The following YME1L1 variants were observed in gnomAD, a reference collection of about 807,000 sequenced individuals.
YME1L1 encodes ATP-dependent zinc metalloprotease YME1L1.
In YME1L1, 39 loss-of-function variants were observed where a neutral mutation model predicts 90.4. The observed-to-expected ratio is 0.43, with a 90% confidence interval of 0.33 to 0.56. The LOEUF is 0.56. Ranked by LOEUF, YME1L1 falls within the 20% of genes least tolerant of loss-of-function variation. The pLI is 0.03. For missense variants in YME1L1, 617 were observed against 868.4 expected, an observed-to-expected ratio of 0.71 and a Z score of 3.64; for synonymous variants, 284 against 287.3, an observed-to-expected ratio of 0.99 and a Z score of 0.12.
At chr10:27,136,434 A>C in intron 4 of YME1L1, 49 bp from the exon 5 acceptor site, 1 of 1,476,006 alleles carries the variant, frequency 6.8e-7, no homozygotes, top group Non-Finnish European at 9.4e-7. Flanking sequence ...TTACAGGAAA[A>C]GAAAAATGCC....
At chr10:27,133,785 T>A (rs1031116112) in intron 7 of YME1L1, among the ~76,000 whole-genome samples, 15 of 152,188 alleles carry the variant, frequency 9.9e-5, no homozygotes, top group African/African-American at 3.4e-4. Context: ...ATTATAAAAT[T>A]CTTCTACATA....
chr10:27,126,595 A>ACTTT (rs2056921807), intron 9 of YME1L1, 101 bp downstream of exon 9: 1 of 618,534 alleles, frequency 1.6e-6, no homozygotes, highest in African/African-American at 1.9e-5. Context: ...TAAGACTTAA[A>ACTTT]CTTTAATCAG....
At position 27,145,767 on chromosome 10, in the gene YME1L1, A is replaced by G. The variant is rs1373910205; in HGVS notation, c.169-177T>C. The G allele has an allele frequency of 6.0e-6, 3 of 500,182 alleles. No homozygotes were observed. In the Admixed American group the frequency reaches 1.1e-4, roughly 19 times the overall value. The allele number at this position is 500,182 out of a possible 1,614,324, so 31.0% of individuals were successfully genotyped here. A position where few individuals can be genotyped will look rare whatever the true frequency, so the allele number is the denominator to read the frequency against. ...TTTCACAGTTCGTTTTACTGAGATC[A>G]GTCATATGAGGTTTGACATAGGTTA... On this transcript the variant is annotated intron_variant, in intron 2 of 18. Coordinates refer to ENST00000376016, the MANE Select transcript of YME1L1 (RefSeq NM_014263.4).
At chr10:27,118,125 T>C (rs184982616) in intron 14 of YME1L1, among the ~76,000 whole-genome samples, 1 of 152,150 alleles carries the variant, frequency 6.6e-6, no homozygotes. Flanking sequence ...GTATCTGATA[T>C]GGGATTAATA....
At position 27,147,465 on chromosome 10, in the gene YME1L1, G is replaced by A. The variant is rs776037970; in HGVS notation, c.168+1441C>T. On this transcript the variant is annotated intron_variant, in intron 2 of 18. Transcript: ENST00000376016. ...AGAACGATGGACAAAACAAATCATA[G>A]ACAATAGGCATTTGGAGAAACCCGC... is the stretch of plus-strand genomic sequence containing the variant. 1.9e-5 allele frequency: 31 copies of A among 1,614,074 alleles called. No homozygotes were observed. The South Asian group carries it at 3.4e-4, about 18-fold the overall frequency.
At chr10:27,116,380 G>T in intron 15 of YME1L1, 35 bp from the exon 16 acceptor site, 2 of 1,609,872 alleles carry the variant, frequency 1.2e-6, no homozygotes, top group Non-Finnish European at 1.7e-6. Flanking sequence ...TAAAAAATAA[G>T]CAAAGAGGCT....
Position 27,145,576 on chromosome 10 carries a change from T to G in YME1L1, c.183A>C (p.Leu61Phe). ...EAPSSEPSLNLRDLGLSELKI... is the reference protein window; with the variant it reads ...EAPSSEPSLNFRDLGLSELKI... ...TTAGTTCAGATAATCCAAGGTCCCT[T>G]AAGTTAAGTGAAGGCTGTAAAAGAT... is the stretch of plus-strand genomic sequence containing the variant. The change falls in exon 3 of 19, where the codon TTA becomes TTC. Residue 61 changes from leucine (L) to phenylalanine (F), a missense_variant. By Grantham distance (22) the Leu-to-Phe change is conservative. This residue lies in a region of YME1L1 where 311 missense variants were observed against 335.8 expected (regional missense o/e 0.93). Coordinates refer to ENST00000376016, the MANE Select transcript of YME1L1 (RefSeq NM_014263.4). 3.7e-6 allele frequency: 6 copies of G among 1,612,744 alleles called. No individual in the cohort carries two copies. The highest frequency in any genetic ancestry group is 5.1e-6 in the Non-Finnish European group (6 of 1,179,190).
intron 11 of YME1L1, 146 bp downstream of exon 11, chr10:27,122,695 G>A (rs2056879112): frequency 1.2e-5 from 13 of 1,050,254 alleles, no homozygotes; most frequent in Non-Finnish European, 1.8e-5. Context: ...TTGCATGAGG[G>A]ACTACTCTGT....
rs529804582 is a variant in YME1L1 at position 27,148,276 on chromosome 10, C to T, written c.168+630G>A. On this transcript the variant is annotated intron_variant, in intron 2 of 18. Transcript: ENST00000376016. ...GGAGTGCAGTGGTGCGATCTTGGCT[C>T]ACAGCGACCTCTGCCTCCTAGGCTC... 2.0e-5 allele frequency among the ~76,000 whole-genome samples: 3 copies of T among 152,126 alleles called. No individual in the cohort carries two copies. In the South Asian group the frequency reaches 6.2e-4, roughly 32 times the overall value.
chr10:27,138,086 T>A (rs1396513306), intron 4 of YME1L1, among the ~76,000 whole-genome samples: 2 of 152,116 alleles, frequency 1.3e-5, no homozygotes, highest in Admixed American at 6.5e-5. Context: ...AAGAACTTGA[T>A]TTTTCCAAAA....
At chr10:27,119,221 G>T in intron 14 of YME1L1, 73 bp downstream of exon 14, 1 of 1,389,892 alleles carries the variant, frequency 7.2e-7, no homozygotes, top group South Asian at 1.5e-5. Flanking sequence ...TGTTTGAATA[G>T]AGTATTTGCC....
intron 6 of YME1L1, among the ~76,000 whole-genome samples, chr10:27,134,327 T>C (rs900499511): frequency 3.9e-5 from 6 of 152,196 alleles, no homozygotes; most frequent in Non-Finnish European, 5.9e-5. Flanking sequence ...CTCATGCCTG[T>C]AATCCTAGCA....
At chr10:27,114,443 A>G in intron 18 of YME1L1, 78 bp downstream of exon 18, 2 of 1,118,152 alleles carry the variant, frequency 1.8e-6, no homozygotes, top group Non-Finnish European at 2.6e-6. Flanking sequence ...GAGGGCCTTC[A>G]GCTGTTATTT....
intron 9 of YME1L1, among the ~76,000 whole-genome samples, chr10:27,125,970 C>T (rs1334088921): frequency 1.3e-5 from 2 of 152,094 alleles, no homozygotes; most frequent in Admixed American, 6.5e-5. Flanking sequence ...AGCCACCACA[C>T]CCAGTAATGT....
chr10:27,122,274 C>A (rs2056875293), intron 11 of YME1L1, among the ~76,000 whole-genome samples: 1 of 152,154 alleles, frequency 6.6e-6, no homozygotes, highest in Non-Finnish European at 1.5e-5. Flanking sequence ...GAAAAGATAA[C>A]CTGATATAAA....
intron 8 of YME1L1, among the ~76,000 whole-genome samples, chr10:27,128,273 C>T (rs529592039): frequency 1.4e-4 from 21 of 152,280 alleles, no homozygotes; most frequent in Admixed American, 1.0e-3. Flanking sequence ...CAAACCTGTT[C>T]TGGTAAATGC....
chr10:27,121,956 G>A (rs1379499652), intron 11 of YME1L1, among the ~76,000 whole-genome samples: 1 of 152,016 alleles, frequency 6.6e-6, no homozygotes, highest in East Asian at 1.9e-4. Context: ...GGTTGGTCTT[G>A]AACTCCTGAC....
At chr10:27,153,443 AG>A (rs1216430321) in intron 1 of YME1L1, among the ~76,000 whole-genome samples, 1 of 152,238 alleles carries the variant, frequency 6.6e-6, no homozygotes, top group Non-Finnish European at 1.5e-5. Context: ...GCAAAACTGT[AG>A]GAACTCTCAA....
At chr10:27,147,348 TA>T (rs1328812849) in intron 2 of YME1L1, 3 of 1,427,542 alleles carry the variant, frequency 2.1e-6, no homozygotes, top group Non-Finnish European at 2.9e-6. Flanking sequence ...TTAAAAATGA[TA>T]AAACAAACAA....
Sources: gnomAD v4.1 joint callset for allele counts (sites outside exome capture counted in the v4.1 genomes callset) on GRCh38, gnomAD v4.1.1 for gene constraint, gnomAD v4.1.1 regional missense constraint, MANE v1.5 for transcripts, NCBI Gene and HGNC (gene_info 2026-07-23, HGNC 2026-07-21) for gene names.